The following NAA11 variants were observed in gnomAD, a reference collection of about 807,000 sequenced individuals.
The protein encoded by NAA11 is N-alpha-acetyltransferase 11.
Under a neutral mutation model 16.1 loss-of-function variants are expected in NAA11, and 15 were observed. That is an observed-to-expected ratio of 0.93 (90% CI 0.62 to 1.44). NAA11 has a LOEUF of 1.44. NAA11 is among the 40% of genes most tolerant of loss of function. The pLI is 0.00. For synonymous variants in NAA11, 122 were observed against 112.4 expected, an observed-to-expected ratio of 1.09 and a Z score of -0.54; for missense variants, 298 against 291.3, an observed-to-expected ratio of 1.02 and a Z score of -0.17.
chr4:79,268,618 T>G (rs114996373), intron 2 of NAA11, among the ~76,000 whole-genome samples: 2,492 of 152,202 alleles, frequency 0.016, 73 homozygotes, highest in African/African-American at 0.056. Context: ...CTTTGAAGAC[T>G]CTCAATGTAG....
chr4:79,165,111 A>G, the NAA11 span, among the ~76,000 whole-genome samples: 2 of 152,222 alleles, frequency 1.3e-5, no homozygotes, highest in Non-Finnish European at 2.9e-5. Flanking sequence ...AGGTTAATAG[A>G]CAAACAGCAC....
chr4:79,291,260 G>A (rs556848239), intron 2 of NAA11, among the ~76,000 whole-genome samples: 2 of 151,848 alleles, frequency 1.3e-5, no homozygotes, highest in African/African-American at 4.8e-5. Flanking sequence ...CCAGGAGTTG[G>A]GGACCAGCCT....
chr4:79,175,490 A>G, the NAA11 span, among the ~76,000 whole-genome samples: 1 of 152,096 alleles, frequency 6.6e-6, no homozygotes, highest in South Asian at 2.1e-4. Context: ...TTCAACAAGC[A>G]ATGTACCTGA....
chr4:79,276,895 A>G (rs534639964), intron 2 of NAA11, among the ~76,000 whole-genome samples: 2 of 152,172 alleles, frequency 1.3e-5, no homozygotes, highest in Non-Finnish European at 2.9e-5. Flanking sequence ...GACAGTTAGT[A>G]AAAATGTAGA....
At chr4:79,251,962 T>C (rs567467898) in intron 2 of NAA11, among the ~76,000 whole-genome samples, 142 of 152,076 alleles carry the variant, frequency 9.3e-4, no homozygotes, top group African/African-American at 3.2e-3. Context: ...CAACAGATGA[T>C]TGGATGAAGA....
chr4:79,168,611 C>G, the NAA11 span, among the ~76,000 whole-genome samples: 3 of 152,198 alleles, frequency 2.0e-5, no homozygotes, highest in Non-Finnish European at 1.5e-5. Flanking sequence ...TTGCATTTCT[C>G]TAATGACTAG....
the NAA11 span, among the ~76,000 whole-genome samples, chr4:79,207,753 T>A: frequency 6.6e-5 from 10 of 152,164 alleles, no homozygotes; most frequent in Non-Finnish European, 1.5e-4. Flanking sequence ...TTATGAGTGC[T>A]TTTATCATTC....
At chr4:79,303,076 T>TTATATATATATATATG (rs1723446623) in intron 1 of NAA11, among the ~76,000 whole-genome samples, 1 of 67,524 alleles carries the variant, frequency 1.5e-5, no homozygotes, top group Non-Finnish European at 2.9e-5. Flanking sequence ...TTGAGGCCTT[T>TTATATATATATATATG]TATATATATA....
the NAA11 span, among the ~76,000 whole-genome samples, chr4:79,193,279 T>C: frequency 1.3e-5 from 2 of 152,248 alleles, no homozygotes; most frequent in African/African-American, 4.8e-5. Flanking sequence ...TTTTGGTGTT[T>C]TTGGCATGAA....
chr4:79,160,454 C>A, the NAA11 span, among the ~76,000 whole-genome samples: 12 of 152,326 alleles, frequency 7.9e-5, no homozygotes, highest in African/African-American at 2.9e-4. Context: ...TTTTCCACAG[C>A]AGCTGCACCA....
chr4:79,298,044 G>A (rs1007283183), intron 1 of NAA11, among the ~76,000 whole-genome samples: 4 of 152,206 alleles, frequency 2.6e-5, no homozygotes, highest in Non-Finnish European at 4.4e-5. Context: ...AAGAGCAGCT[G>A]CAGAGAGGAG....
intron 2 of NAA11, among the ~76,000 whole-genome samples, chr4:79,256,621 A>T (rs938466676): frequency 7.9e-6 from 1 of 126,004 alleles, no homozygotes; most frequent in African/African-American, 2.9e-5. Flanking sequence ...TATTAACTCA[A>T]TTAAAATGAA....
chr4:79,189,163 A>AAAAAAAAAAAAAAAAAAT, the NAA11 span, among the ~76,000 whole-genome samples: 1 of 148,724 alleles, frequency 6.7e-6, no homozygotes, highest in Non-Finnish European at 1.5e-5. Flanking sequence ...AAAAAAAAAA[A>AAAAAAAAAAAAAAAAAAT]ACTTATGAAG....
At chr4:79,270,038 G>C (rs1200941201) in intron 2 of NAA11, among the ~76,000 whole-genome samples, 1 of 150,898 alleles carries the variant, frequency 6.6e-6, no homozygotes, top group Non-Finnish European at 1.5e-5. Flanking sequence ...ATTTCTGAGG[G>C]CTCTGTTCTG....
At chr4:79,321,795 C>T (rs557553573) in intron 1 of NAA11, among the ~76,000 whole-genome samples, 1 of 152,252 alleles carries the variant, frequency 6.6e-6, no homozygotes, top group Non-Finnish European at 1.5e-5. Flanking sequence ...AATATGCTAA[C>T]ACAAAGCACA....
At chr4:79,183,806 C>T in the NAA11 span, among the ~76,000 whole-genome samples, 3 of 152,080 alleles carry the variant, frequency 2.0e-5, no homozygotes, top group African/African-American at 7.2e-5. Flanking sequence ...ATCTTGTTTG[C>T]AGTGTACCTT....
At chr4:79,302,796 C>T (rs932293915) in intron 1 of NAA11, among the ~76,000 whole-genome samples, 7 of 151,678 alleles carry the variant, frequency 4.6e-5, no homozygotes, top group African/African-American at 1.7e-4. Context: ...ATGTGTAATC[C>T]AACCTCAACC....
intron 1 of NAA11, among the ~76,000 whole-genome samples, chr4:79,322,503 G>A (rs200563276): frequency 8.4e-5 from 7 of 83,628 alleles, no homozygotes; most frequent in East Asian, 7.4e-4. Context: ...GTGTGTGTGT[G>A]TGTATATATA....
rs551963421 is a variant in NAA11 at position 79,248,705 on chromosome 4, C to T, written c.*123-22435G>A. Among the ~76,000 whole-genome samples the T allele has an allele frequency of 2.0e-4, 30 of 152,220 alleles. No homozygotes were observed. The South Asian group carries it at 2.3e-3, about 12-fold the overall frequency. ...AACATGTGCATAGAGGGCAGCAACC[C>T]CACACCTACTAGTTCCCCACCCCGT... is the stretch of plus-strand genomic sequence containing the variant. On this transcript the variant is annotated intron_variant and NMD_transcript_variant, in intron 2 of 2. Transcript: ENST00000511542.
Sources: allele counts gnomAD v4.1 joint callset (sites outside exome capture counted in the v4.1 genomes callset), GRCh38; gene constraint gnomAD v4.1.1; transcripts MANE v1.5; gene names NCBI Gene and HGNC (gene_info 2026-07-23, HGNC 2026-07-21).